Variants in MORC2 observed in about 807,000 individuals in gnomAD.
MORC2 encodes the protein ATPase MORC2.
A neutral mutation model predicts 136.0 loss-of-function variants in MORC2; 30 were observed. The observed-to-expected ratio is 0.22, with a 90% CI of 0.17 to 0.30. MORC2 has a LOEUF of 0.30. MORC2 is among the 10% of genes least tolerant of loss of function. MORC2 has a pLI of 1.00. For synonymous variants in MORC2, 439 were observed against 487.0 expected (o/e 0.90, Z 1.30); for missense variants, 922 against 1,333.1 (o/e 0.69, Z 4.80).
chr22:30,939,094 G>C (rs2040702626), intron 12 of MORC2, among the ~76,000 whole-genome samples: 1 of 152,170 alleles, frequency 6.6e-6, no homozygotes, highest in Admixed American at 6.5e-5. Context: ...TCCAGACATG[G>C]AGGTGGGACA....
chr22:30,967,766 TATA>T (rs1054400228), intron 1 of MORC2, 53 bp downstream of exon 1: 14 of 1,547,690 alleles, frequency 9.0e-6, no homozygotes, highest in African/African-American at 6.9e-5. Context: ...ACGATTTCCA[TATA>T]ATATCAAGGA....
At chr22:30,951,534 C>T (rs1569199931) in intron 3 of MORC2, among the ~76,000 whole-genome samples, 1 of 152,212 alleles carries the variant, frequency 6.6e-6, no homozygotes, top group Admixed American at 6.5e-5. Flanking sequence ...CATATAGATG[C>T]TATTCAGTCT....
In MORC2 at chr22:30,942,157, C is replaced by T. The variant is rs750265510; in HGVS notation, c.541G>A (p.Glu181Lys). 1.9e-6 allele frequency: 3 copies of T among 1,614,176 alleles called. No individual in the cohort carries two copies. In the South Asian group the frequency reaches 3.3e-5, roughly 18 times the overall value. Residue 181 changes from glutamate to lysine, a missense_variant, in exon 7 of 26, where the codon GAG (glutamate) becomes AAG (lysine). Around this residue, in one of 9 missense-constraint regions of MORC2, gnomAD observed 261 missense variants for 354.3 expected, o/e 0.74. Coordinates refer to ENST00000397641, the MANE Select transcript of MORC2 (RefSeq NM_001303256.3). ...LIYKYSPFRTEEEVMTQFMKI... is the reference protein window; with the variant it reads ...LIYKYSPFRTKEEVMTQFMKI... ...ATAAACTGGGTCATCACTTCCTCCT[C>T]AGTGCGGAATGGAGAGTACTTATAG... is the stretch of plus-strand genomic sequence containing the variant.
chr22:30,935,334 ACAT>A lies in MORC2; in HGVS notation c.1738-15_1738-13del, dbSNP rs780936393. ...ATGGGTGTGGTTTTCTGCAAGGCAA[ACAT>A]CATGATGAAGTTGTTTGCATATTTT... On this transcript the variant is annotated splice_polypyrimidine_tract_variant and intron_variant, in intron 17 of 25. Coordinates refer to ENST00000397641, the MANE Select transcript of MORC2 (RefSeq NM_001303256.3). 1.4e-5 allele frequency: 23 copies of A among 1,612,286 alleles called. No individual in the cohort carries two copies. Among genetic ancestry groups the A allele is most frequent in the Non-Finnish European group, 2.0e-5 (23 of 1,179,050 alleles).
chr22:30,960,547 G>A (rs1464570060), intron 1 of MORC2, among the ~76,000 whole-genome samples: 1 of 151,458 alleles, frequency 6.6e-6, no homozygotes, highest in Non-Finnish European at 1.5e-5. Flanking sequence ...GGAGTGCAAT[G>A]GCGCAATCTC....
intron 11 of MORC2, 48 bp downstream of exon 11, chr22:30,939,911 C>T: frequency 1.3e-6 from 2 of 1,581,938 alleles, no homozygotes; most frequent in Non-Finnish European, 1.7e-6. Context: ...GACATGGGCT[C>T]CTAGTGCCAG....
intron 21 of MORC2, among the ~76,000 whole-genome samples, chr22:30,933,239 A>C (rs2040602458): frequency 6.6e-6 from 1 of 152,192 alleles, no homozygotes; most frequent in Non-Finnish European, 1.5e-5. Context: ...GCAGGAGAAC[A>C]AGTGACCGCC....
intron 1 of MORC2, among the ~76,000 whole-genome samples, chr22:30,964,934 CAAT>C (rs2147328183): frequency 6.6e-6 from 1 of 152,318 alleles, no homozygotes; most frequent in East Asian, 1.9e-4. Context: ...ACCATTCACA[CAAT>C]GTTTACTGTG....
rs4820920 is a variant in MORC2, at chr22:30,968,594, G to A, written c.-705C>T. ...ACAAATGACCCGCCCACAGCACCTC[G>A]GGCAGGCCGCGCCCCGCCCCCACGT... On this transcript the variant is annotated 5_prime_UTR_variant, in exon 1 of 26. Coordinates refer to ENST00000397641, the MANE Select transcript of MORC2 (RefSeq NM_001303256.3). Among the ~76,000 whole-genome samples, 753 of 152,102 alleles carry A rather than the reference G, an allele frequency of 5.0e-3. 1 individual carries two copies. Among genetic ancestry groups the A allele is most frequent in the Middle Eastern group, 0.017 (5 of 294 alleles).
chr22:30,932,907 G>A lies in MORC2; in HGVS notation c.2504C>T (p.Thr835Met), dbSNP rs760341830. 20 of 1,614,024 alleles carry A rather than the reference G, an allele frequency of 1.2e-5. No homozygotes were observed. The highest frequency in any genetic ancestry group is 2.2e-5 in the East Asian group (1 of 44,890). The change falls in exon 22 of 26, where the codon ACG (threonine) becomes ATG (methionine). Residue 835 changes from threonine (T) to methionine (M), a missense_variant. By Grantham distance (81) the Thr-to-Met change is moderately conservative. Around this residue, in one of 9 missense-constraint regions of MORC2, gnomAD observed 263 missense variants for 388.3 expected, o/e 0.68. Transcript: ENST00000397641. This position sits in a 1 kb window ranked among gnomAD's most constrained non-coding sequence, Gnocchi z 4.4. The stretch of plus-strand genomic sequence containing the variant: ...GCATTACCAGCGGTCTCTTGGTGTC[G>A]TGTCTGTGGGCACGTAGTCAAACTT... Reference protein sequence around the residue: ...KVKFDYVPTDTTPRDRWVEKG... With the variant: ...KVKFDYVPTDMTPRDRWVEKG...
intron 10 of MORC2, 47 bp from the exon 11 acceptor site, chr22:30,940,088 T>C (rs750008112): frequency 2.5e-6 from 4 of 1,581,230 alleles, no homozygotes; most frequent in Admixed American, 1.7e-5. Flanking sequence ...GGTTCAAAAC[T>C]CTTGGTCATC....
Position 30,941,353 on chromosome 22 carries a change from CCCT to C in MORC2, c.824+77_824+79del, listed in dbSNP as rs1462730258. The C allele has an allele frequency of 1.3e-5, 21 of 1,565,222 alleles. No homozygotes were observed. In the Admixed American group the frequency reaches 3.8e-4, roughly 28 times the overall value. On this transcript the variant is annotated intron_variant, in intron 9 of 25. Coordinates refer to ENST00000397641, the MANE Select transcript of MORC2 (RefSeq NM_001303256.3). This position sits in a 1 kb window ranked among gnomAD's most constrained non-coding sequence, Gnocchi z 4.6. ...ACTGCCAGAGCCTCTTATACAGCAT[CCCT>C]CTAACAATGCCCCAGAGAAACGCGG...
At chr22:30,956,912 C>G in intron 2 of MORC2, 115 bp from the exon 3 acceptor site, 1 of 801,626 alleles carries the variant, frequency 1.2e-6, no homozygotes, top group South Asian at 2.2e-5. Context: ...GGAAGCCATA[C>G]AGAAATTCTA....
intron 12 of MORC2, 61 bp downstream of exon 12, chr22:30,939,560 T>A: frequency 6.5e-7 from 1 of 1,535,774 alleles, no homozygotes. Context: ...TAGCAACCTG[T>A]CAATAATCAG....
chr22:30,940,878 T>G (rs1292693811), intron 9 of MORC2, 41 bp from the exon 10 acceptor site: 1 of 1,551,602 alleles, frequency 6.4e-7, no homozygotes, highest in Non-Finnish European at 8.9e-7. Context: ...CACGCAGCAG[T>G]GGGGCAGGTG....
At chr22:30,967,768 T>C (rs2041151174) in intron 1 of MORC2, 54 bp downstream of exon 1, 3 of 1,547,970 alleles carry the variant, frequency 1.9e-6, no homozygotes, top group Non-Finnish European at 2.6e-6. Context: ...GATTTCCATA[T>C]AATATCAAGG....
chr22:30,966,139 G>T (rs752484205), intron 1 of MORC2, among the ~76,000 whole-genome samples: 6 of 152,186 alleles, frequency 3.9e-5, no homozygotes, highest in Non-Finnish European at 7.3e-5. Context: ...ATTAACTGTT[G>T]TTACTATTAT....
intron 18 of MORC2, 28 bp from the exon 19 acceptor site, chr22:30,935,189 A>G (rs1420166699): frequency 6.2e-7 from 1 of 1,612,446 alleles, no homozygotes; most frequent in East Asian, 2.2e-5. Flanking sequence ...GAGAGTGAGA[A>G]CACTGATCCT....
intron 1 of MORC2, among the ~76,000 whole-genome samples, chr22:30,966,161 G>C (rs2041125617): frequency 6.6e-6 from 1 of 152,182 alleles, no homozygotes; most frequent in South Asian, 2.1e-4. Flanking sequence ...ATCCCATAAA[G>C]TCTTTGGTGA....
Sources: allele counts gnomAD v4.1 joint callset (sites outside exome capture counted in the v4.1 genomes callset), GRCh38; gene constraint gnomAD v4.1.1; regional missense constraint gnomAD v4.1.1; non-coding constraint Gnocchi (gnomAD v3.1); transcripts MANE v1.5; gene names NCBI Gene and HGNC (gene_info 2026-07-23, HGNC 2026-07-21).